CTNNA2: variants seen among roughly 807,000 people sequenced by gnomAD.
CTNNA2 encodes catenin alpha-2.
Under a neutral mutation model 101.0 loss-of-function variants are expected in CTNNA2, and 42 were observed. The ratio of observed to expected loss-of-function variants is 0.42; its 90% CI spans 0.32 to 0.54. The LOEUF (loss-of-function observed/expected upper bound fraction) is 0.54. Ranked by LOEUF, CTNNA2 falls within the 20% of genes least tolerant of loss-of-function variation. CTNNA2 has a pLI of 0.14. For synonymous variants in CTNNA2, 450 were observed against 456.4 expected (o/e 0.99, Z 0.18); for missense variants, 871 against 1,223.1 (o/e 0.71, Z 4.29).
chr2:79,922,825 G>A (rs528719703), intron 7 of CTNNA2, among the ~76,000 whole-genome samples: 28 of 151,836 alleles, frequency 1.8e-4, no homozygotes, highest in Non-Finnish European at 3.7e-4. Context: ...TTGGAACTCA[G>A]GTCTTCTCGT....
intron 7 of CTNNA2, among the ~76,000 whole-genome samples, chr2:80,290,004 C>T (rs781461319): frequency 1.2e-4 from 18 of 152,150 alleles, no homozygotes; most frequent in Non-Finnish European, 2.2e-4. Flanking sequence ...CTTGGGTTCT[C>T]ATCACTCTCC....
chr2:80,072,733 G>T (rs1213631811), intron 7 of CTNNA2, among the ~76,000 whole-genome samples: 5 of 152,146 alleles, frequency 3.3e-5, no homozygotes, highest in African/African-American at 1.2e-4. Flanking sequence ...AATGCAAAAA[G>T]GGAAGGTGGA....
At chr2:79,590,092 T>A (rs989501720) in intron 1 of CTNNA2, among the ~76,000 whole-genome samples, 6 of 152,188 alleles carry the variant, frequency 3.9e-5, no homozygotes, top group African/African-American at 7.2e-5. Flanking sequence ...TTCTTTTAAG[T>A]TTAACCTCAA....
intron 3 of CTNNA2, among the ~76,000 whole-genome samples, chr2:79,340,545 T>C (rs1254679881): frequency 2.0e-5 from 3 of 152,060 alleles, no homozygotes; most frequent in Non-Finnish European, 4.4e-5. Context: ...TTAAAAGGAA[T>C]ACATGAGGCC....
chr2:79,867,738 G>C (rs72918613), intron 4 of CTNNA2, among the ~76,000 whole-genome samples: 4,000 of 152,068 alleles, frequency 0.026, 161 homozygotes, highest in African/African-American at 0.075. Context: ...AAATTGGTCT[G>C]ATTAACAGCC....
intron 7 of CTNNA2, among the ~76,000 whole-genome samples, chr2:80,344,180 G>A (rs1672507810): frequency 6.6e-6 from 1 of 151,880 alleles, no homozygotes; most frequent in Admixed American, 6.6e-5. Context: ...TTGGCTTCCG[G>A]AACTCACAAG....
In CTNNA2 at chr2:80,302,249, A is replaced by T. The variant is rs751917787; in HGVS notation, c.1057-90962A>T. 2 of 1,611,642 alleles carry T rather than the reference A, an allele frequency of 1.2e-6. No homozygotes were observed. Among genetic ancestry groups the T allele is most frequent in the South Asian group, 1.1e-5 (1 of 90,746 alleles). On this transcript the variant is annotated intron_variant, in intron 7 of 18. Coordinates refer to ENST00000402739, the MANE Select transcript of CTNNA2 (RefSeq NM_001282597.3). The surrounding 1 kb of genome is among the most constrained non-coding windows in gnomAD (Gnocchi z 6.4). ...CGCATGGGTTGAGAGCCACTGGGAC[A>T]ATCACACCTCGCATTCCCTCGCGGG...
chr2:79,427,661 CT>C (rs1678607381), intron 4 of CTNNA2, among the ~76,000 whole-genome samples: 1 of 151,422 alleles, frequency 6.6e-6, no homozygotes, highest in African/African-American at 2.4e-5. Context: ...CTCCATCTGA[CT>C]TCAGGGAATT....
At chr2:80,556,222 GTTTGAA>G (rs1693016150) in intron 12 of CTNNA2, among the ~76,000 whole-genome samples, 1 of 152,176 alleles carries the variant, frequency 6.6e-6, no homozygotes, top group Non-Finnish European at 1.5e-5. Flanking sequence ...GAAAATTATG[GTTTGAA>G]TTGGCTAAGA....
At chr2:79,196,535 A>C (rs999064672) in intron 1 of CTNNA2, among the ~76,000 whole-genome samples, 3 of 152,184 alleles carry the variant, frequency 2.0e-5, no homozygotes. Context: ...AATCAGTATG[A>C]GAGTCTGATT....
At chr2:79,374,523 T>TTC (rs1203960328) in intron 4 of CTNNA2, among the ~76,000 whole-genome samples, 3 of 151,660 alleles carry the variant, frequency 2.0e-5, no homozygotes, top group African/African-American at 7.3e-5. Flanking sequence ...TATATATATT[T>TTC]TTCTATTGTG....
intron 7 of CTNNA2, among the ~76,000 whole-genome samples, chr2:80,289,666 A>C (rs1675069133): frequency 6.6e-6 from 1 of 152,210 alleles, no homozygotes; most frequent in Non-Finnish European, 1.5e-5. Flanking sequence ...ATCTTCCTAA[A>C]AACCAGCAAG....
chr2:79,836,669 CT>C (rs1679388807), intron 3 of CTNNA2, among the ~76,000 whole-genome samples: 1 of 152,190 alleles, frequency 6.6e-6, no homozygotes, highest in Non-Finnish European at 1.5e-5. Flanking sequence ...TGCTGTTCAT[CT>C]TTGGTGTGCC....
chr2:79,481,753 G>A (rs1671112598), intron 4 of CTNNA2, among the ~76,000 whole-genome samples: 1 of 152,064 alleles, frequency 6.6e-6, no homozygotes, highest in Admixed American at 6.6e-5. Context: ...AACAATTAAA[G>A]TGCAATAAAA....
chr2:79,544,469 A>T (rs1673610035), intron 1 of CTNNA2, among the ~76,000 whole-genome samples: 1 of 152,194 alleles, frequency 6.6e-6, no homozygotes, highest in Non-Finnish European at 1.5e-5. Flanking sequence ...GGGGTCTAGA[A>T]GGTAACTATA....
chr2:79,648,092 A>T (rs188640735), intron 1 of CTNNA2, among the ~76,000 whole-genome samples: 4 of 152,318 alleles, frequency 2.6e-5, no homozygotes, highest in African/African-American at 9.6e-5. Flanking sequence ...GGAAATGACT[A>T]TTTACTGAAA....
At chr2:79,545,881 G>A (rs1204754583) in intron 1 of CTNNA2, among the ~76,000 whole-genome samples, 2 of 152,172 alleles carry the variant, frequency 1.3e-5, no homozygotes, top group African/African-American at 4.8e-5. Flanking sequence ...CACTTCATAT[G>A]TGTCAGGCAC....
intron 7 of CTNNA2, among the ~76,000 whole-genome samples, chr2:80,325,137 A>G (rs1007501662): frequency 6.6e-6 from 1 of 152,226 alleles, no homozygotes; most frequent in African/African-American, 2.4e-5. Flanking sequence ...AAATGAATAA[A>G]TGAATGAAAG....
chr2:80,506,437 G>A (rs1043134850), intron 9 of CTNNA2, among the ~76,000 whole-genome samples: 1 of 152,160 alleles, frequency 6.6e-6, no homozygotes. Flanking sequence ...CTGTGGGGAA[G>A]TGAGAAAGGG....
Sources: allele counts gnomAD v4.1 joint callset (sites outside exome capture counted in the v4.1 genomes callset), GRCh38; gene constraint gnomAD v4.1.1; non-coding constraint Gnocchi (gnomAD v3.1); transcripts MANE v1.5; gene names NCBI Gene and HGNC (gene_info 2026-07-23, HGNC 2026-07-21).